HADHA: variants seen among roughly 807,000 people sequenced by gnomAD.
HADHA encodes hydroxyacyl-CoA dehydrogenase trifunctional multienzyme complex subunit alpha.
In HADHA, 59 loss-of-function variants were observed where a neutral mutation model predicts 91.3. The ratio of observed to expected loss-of-function variants is 0.65; its 90% CI spans 0.52 to 0.80. The LOEUF is 0.80. Among genes scored for constraint, HADHA ranks in the 30% least tolerant of loss-of-function variants. HADHA has a pLI of 0.00. For missense variants in HADHA, 800 were observed against 927.6 expected (o/e 0.86, Z 1.79); for synonymous variants, 320 against 338.9 (o/e 0.94, Z 0.61).
intron 1 of HADHA, among the ~76,000 whole-genome samples, chr2:26,240,984 A>G (rs898648193): frequency 6.6e-6 from 1 of 152,222 alleles, no homozygotes; most frequent in African/African-American, 2.4e-5. Context: ...GAGTCAACCA[A>G]ATCAAGTCAC....
In HADHA at chr2:26,199,453, C is replaced by G. The variant is rs1669773777; in HGVS notation, c.1393-1676G>C. 2.6e-5 allele frequency: 4 copies of G among 152,226 alleles called. No homozygotes were observed. In the South Asian group the frequency reaches 8.3e-4, roughly 32 times the overall value. 9.4% of individuals were successfully genotyped at this position (152,226 alleles called of 1,614,324 possible). On this transcript the variant is annotated intron_variant, in intron 13 of 19. Transcript: ENST00000380649. ...AGCTTACGTAGTGTCAGGTTACTTT[C>G]TTAGTAATATAGTGTCTAATGCTGG...
rs191134556 is a variant in HADHA, at chr2:26,231,757, G to C, written c.573+403C>G. Among the ~76,000 whole-genome samples, 836 of 151,908 alleles carry C rather than the reference G, an allele frequency of 5.5e-3. 14 individuals are homozygous for C. Among genetic ancestry groups the C allele is most frequent in the African/African-American group, 0.019 (799 of 41,452 alleles). On this transcript the variant is annotated intron_variant, in intron 6 of 19. Coordinates refer to ENST00000380649, the MANE Select transcript of HADHA (RefSeq NM_000182.5). ...TGAGGCGGGAGGATTACCTGAGGTC[G>C]GGAGTTCAAGACCAGCCTGGCCAAC...
chr2:26,227,503 C>A (rs1359220368), intron 7 of HADHA, among the ~76,000 whole-genome samples: 1 of 103,516 alleles, frequency 9.7e-6, no homozygotes, highest in Non-Finnish European at 1.9e-5. Context: ...CAGAGCGAGA[C>A]TTTGTCTCAA....
Position 26,214,624 on chromosome 2 carries a change from G to T in HADHA, c.800-63C>A. On this transcript the variant is annotated intron_variant, in intron 8 of 19. Transcript: ENST00000380649. The surrounding 1 kb of genome is among the most constrained non-coding windows in gnomAD (Gnocchi z 4.1). The stretch of plus-strand genomic sequence containing the variant: ...AGCCTAGATTCCCTTGTTAGTTTAT[G>T]CTCTAAACTCTATAAAAATGAAGTA... 1.2e-6 allele frequency: 1 copy of T among 867,750 alleles called. No homozygotes were observed. Among genetic ancestry groups the T allele is most frequent in the Non-Finnish European group, 2.0e-6 (1 of 504,212 alleles). 53.8% of individuals were successfully genotyped at this position (867,750 alleles called of 1,614,324 possible).
intron 1 of HADHA, among the ~76,000 whole-genome samples, chr2:26,240,456 C>T (rs573475213): frequency 4.6e-5 from 7 of 151,854 alleles, no homozygotes; most frequent in Non-Finnish European, 8.8e-5. Context: ...AGTTTTCCTG[C>T]AAAGTAGAAA....
In HADHA at chr2:26,214,390, T is replaced by G. The variant is rs1670167905; in HGVS notation, c.918+53A>C. On this transcript the variant is annotated intron_variant, in intron 9 of 19. Transcript: ENST00000380649. The surrounding 1 kb of genome is among the most constrained non-coding windows in gnomAD (Gnocchi z 4.1). The stretch of plus-strand genomic sequence containing the variant: ...CCAGAATGGCAATAAGGAGGAGTGA[T>G]CTATATAAAGGAAGGAAATATGAGA... 1 of 863,738 alleles carries G rather than the reference T, an allele frequency of 1.2e-6. No individual in the cohort carries two copies. The highest frequency in any genetic ancestry group is 1.3e-5 in the South Asian group (1 of 76,104). The allele number at this position is 863,738 out of a possible 1,614,324, so 53.5% of individuals were successfully genotyped here.
At chr2:26,223,040 A>G (rs1247003036) in intron 7 of HADHA, among the ~76,000 whole-genome samples, 1 of 152,194 alleles carries the variant, frequency 6.6e-6, no homozygotes, top group Non-Finnish European at 1.5e-5. Context: ...GATCTAATCT[A>G]CCAGCAAAAT....
At chr2:26,233,063 A>G (rs370605163) in intron 5 of HADHA, among the ~76,000 whole-genome samples, 2 of 152,196 alleles carry the variant, frequency 1.3e-5, no homozygotes, top group African/African-American at 4.8e-5. Context: ...GATCCCTCTC[A>G]TGTGCAGTTC....
At chr2:26,235,987 T>G (rs1190790996) in intron 4 of HADHA, among the ~76,000 whole-genome samples, 1 of 152,238 alleles carries the variant, frequency 6.6e-6, no homozygotes, top group African/African-American at 2.4e-5. Flanking sequence ...ATGTTTGTAG[T>G]GTCTCCTTCC....
At chr2:26,194,050 A>G (rs1326750128) in intron 16 of HADHA, among the ~76,000 whole-genome samples, 1 of 152,214 alleles carries the variant, frequency 6.6e-6, no homozygotes, top group Non-Finnish European at 1.5e-5. Context: ...AATCTCAATA[A>G]TAAGGAGATT....
At chr2:26,217,879 C>T (rs1330506916) in intron 7 of HADHA, among the ~76,000 whole-genome samples, 1 of 152,042 alleles carries the variant, frequency 6.6e-6, no homozygotes, top group Non-Finnish European at 1.5e-5. Flanking sequence ...TGCACTTTAA[C>T]CTGGGCAACA....
intron 16 of HADHA, among the ~76,000 whole-genome samples, 179 bp downstream of exon 16, chr2:26,194,390 TC>T (rs1315045618): frequency 6.6e-6 from 1 of 152,152 alleles, no homozygotes; most frequent in Admixed American, 6.5e-5. Context: ...TCTGCCCCTT[TC>T]AGTGCAGTAT....
chr2:26,232,062 T>C, intron 6 of HADHA, 98 bp downstream of exon 6: 2 of 896,752 alleles, frequency 2.2e-6, no homozygotes, highest in Non-Finnish European at 3.8e-6. Context: ...TTTTATTTGG[T>C]TTTTTAATTC....
chr2:26,233,943 T>C (rs1330743445), intron 5 of HADHA, among the ~76,000 whole-genome samples: 1 of 152,136 alleles, frequency 6.6e-6, no homozygotes, highest in Non-Finnish European at 1.5e-5. Flanking sequence ...TAGCTGGGCA[T>C]GGTGATGCAC....
chr2:26,228,038 T>A (rs1670524796), intron 7 of HADHA, among the ~76,000 whole-genome samples: 2 of 151,954 alleles, frequency 1.3e-5, no homozygotes, highest in African/African-American at 4.8e-5. Context: ...AGGCCAAACT[T>A]TTTTTTTCAA....
chr2:26,216,294 C>T (rs1273724227), intron 7 of HADHA, among the ~76,000 whole-genome samples: 2 of 150,572 alleles, frequency 1.3e-5, no homozygotes, highest in Non-Finnish European at 3.0e-5. Context: ...TACAACCAAT[C>T]TCTCCCTTAA....
At chr2:26,232,392 A>G (rs1670645837) in intron 5 of HADHA, 113 bp from the exon 6 acceptor site, 2 of 763,800 alleles carry the variant, frequency 2.6e-6, no homozygotes, top group African/African-American at 3.4e-5. Context: ...CACAGAATAA[A>G]CTGAAATTCC....
At chr2:26,199,267 C>G (rs1669765747) in intron 13 of HADHA, 1 of 152,386 alleles carries the variant, frequency 6.6e-6, no homozygotes, top group East Asian at 1.9e-4. Flanking sequence ...ACTCAGGAGG[C>G]TGAAGTGAGA....
chr2:26,237,333 A>G (rs1439705634), intron 3 of HADHA, among the ~76,000 whole-genome samples: 2 of 152,206 alleles, frequency 1.3e-5, no homozygotes, highest in Non-Finnish European at 2.9e-5. Flanking sequence ...TGAAATACAA[A>G]TAAGACATAT....
Sources: allele counts gnomAD v4.1 joint callset (sites outside exome capture counted in the v4.1 genomes callset), GRCh38; gene constraint gnomAD v4.1.1; non-coding constraint Gnocchi (gnomAD v3.1); transcripts MANE v1.5; gene names NCBI Gene and HGNC (gene_info 2026-07-23, HGNC 2026-07-21).